Variants in THRB observed in about 807,000 individuals in gnomAD.
THRB encodes thyroid hormone receptor beta.
In THRB, 12 loss-of-function variants were observed where a neutral mutation model predicts 47.8. That is an observed-to-expected ratio of 0.25 (90% CI 0.16 to 0.41). The LOEUF (loss-of-function observed/expected upper bound fraction) is 0.41. Ranked by LOEUF, THRB falls within the 10% of genes least tolerant of loss-of-function variation. THRB has a pLI of 1.00. For missense variants in THRB, 348 were observed against 589.2 expected (o/e 0.59, Z 4.24); for synonymous variants, 218 against 212.2 (o/e 1.03, Z -0.24).
rs79126320 is a variant in THRB, at chr3:24,434,491, A to C, written c.-261+60161T>G. ...TAATGTTGAGCACAAGCTCTCTTTC[A>C]TATCTCCACTTTCTCCAACTCACCA... On this transcript the variant is annotated intron_variant, in intron 1 of 10. Transcript: ENST00000646209. 4.0e-3 allele frequency among the ~76,000 whole-genome samples: 612 copies of C among 152,316 alleles called. 3 individuals carry two copies. The highest frequency in any genetic ancestry group is 0.014 in the African/African-American group (575 of 41,586).
intron 3 of THRB, among the ~76,000 whole-genome samples, chr3:24,234,517 A>C (rs2048669973): frequency 6.6e-6 from 1 of 152,172 alleles, no homozygotes; most frequent in African/African-American, 2.4e-5. Context: ...GCTGAAGAGG[A>C]ATCCATCAAC....
chr3:24,443,217 G>T (rs567504272), intron 1 of THRB, among the ~76,000 whole-genome samples: 2 of 152,148 alleles, frequency 1.3e-5, no homozygotes, highest in East Asian at 3.9e-4. Context: ...CAATTTTTAG[G>T]TATAATATGA....
chr3:24,409,521 C>T (rs1486313784), intron 1 of THRB, among the ~76,000 whole-genome samples: 2 of 151,800 alleles, frequency 1.3e-5, no homozygotes, highest in East Asian at 3.9e-4. Context: ...GGGCCTCTGA[C>T]TAACTTCTAC....
chr3:24,358,711 T>C (rs2063862882), intron 1 of THRB, among the ~76,000 whole-genome samples: 1 of 152,158 alleles, frequency 6.6e-6, no homozygotes, highest in Admixed American at 6.5e-5. Flanking sequence ...AAGACTGGGC[T>C]CTCCTCTTTG....
In THRB at chr3:24,431,261, T is replaced by TCTACAC. The variant is rs767685100; in HGVS notation, c.-261+63390_-261+63391insGTGTAG. Among the ~76,000 whole-genome samples, 747 of 135,764 alleles carry TCTACAC rather than the reference T, an allele frequency of 5.5e-3. 7 individuals carry two copies. The highest frequency in any genetic ancestry group is 0.019 in the African/African-American group (718 of 36,946). The allele number at this position is 135,764 out of a possible 152,430, so 89.1% of individuals were successfully genotyped here. On this transcript the variant is annotated intron_variant, in intron 1 of 10. Coordinates refer to ENST00000646209, the MANE Select transcript of THRB (RefSeq NM_001354712.2). The stretch of plus-strand genomic sequence containing the variant: ...GGATCAGTCTCTCTCTCTCTCTCTC[T>TCTACAC]ACACACACACACACACACACACACA...
At chr3:24,388,472 A>T (rs2066307212) in intron 1 of THRB, among the ~76,000 whole-genome samples, 1 of 152,210 alleles carries the variant, frequency 6.6e-6, no homozygotes, top group South Asian at 2.1e-4. Context: ...TTAAGACAGC[A>T]CACATCATAA....
intron 2 of THRB, among the ~76,000 whole-genome samples, chr3:24,329,758 A>G (rs1343546623): frequency 1.3e-5 from 2 of 152,260 alleles, no homozygotes; most frequent in Non-Finnish European, 2.9e-5. Context: ...AAAGTGAGCA[A>G]TCAACAAAAC....
chr3:24,329,570 C>T (rs1238097423), intron 2 of THRB, among the ~76,000 whole-genome samples: 1 of 152,248 alleles, frequency 6.6e-6, no homozygotes, highest in East Asian at 1.9e-4. Flanking sequence ...TCTGGCTAAG[C>T]TGTAGTACTC....
At chr3:24,339,396 T>C (rs1417719166) in intron 1 of THRB, among the ~76,000 whole-genome samples, 2 of 152,044 alleles carry the variant, frequency 1.3e-5, no homozygotes, top group Non-Finnish European at 2.9e-5. Context: ...GTTTTCCAGA[T>C]GAAGAAAGGA....
At chr3:24,324,198 C>A (rs1224577554) in intron 2 of THRB, among the ~76,000 whole-genome samples, 5 of 152,142 alleles carry the variant, frequency 3.3e-5, no homozygotes, top group Non-Finnish European at 7.3e-5. Context: ...TTATTGAGGA[C>A]CTGAGAGGTC....
At chr3:24,215,990 G>C (rs1418221517) in intron 4 of THRB, among the ~76,000 whole-genome samples, 1 of 152,206 alleles carries the variant, frequency 6.6e-6, no homozygotes, top group African/African-American at 2.4e-5. Context: ...ATAAAATTCT[G>C]TTGTACTAAG....
chr3:24,320,692 C>T (rs1403091111), intron 2 of THRB, among the ~76,000 whole-genome samples: 2 of 151,982 alleles, frequency 1.3e-5, no homozygotes, highest in Non-Finnish European at 2.9e-5. Flanking sequence ...ATATTAATAA[C>T]AAATTAGTCA....
intron 1 of THRB, among the ~76,000 whole-genome samples, chr3:24,489,842 C>T (rs952982972): frequency 6.6e-6 from 1 of 152,042 alleles, no homozygotes; most frequent in African/African-American, 2.4e-5. Flanking sequence ...TGTTTAAATG[C>T]CAAAATTGAC....
intron 3 of THRB, among the ~76,000 whole-genome samples, chr3:24,269,769 GCTT>G (rs2053134428): frequency 1.3e-5 from 2 of 151,996 alleles, no homozygotes; most frequent in Non-Finnish European, 2.9e-5. Flanking sequence ...AATGGCATCA[GCTT>G]CTGTGTTCCA....
intron 1 of THRB, among the ~76,000 whole-genome samples, chr3:24,450,774 C>G (rs987420361): frequency 2.6e-5 from 4 of 152,140 alleles, no homozygotes; most frequent in Admixed American, 6.5e-5. Flanking sequence ...ATACAGTCAA[C>G]TGGTGTGAAG....
intron 1 of THRB, chr3:24,455,337 T>TTA (rs2073066415): frequency 6.6e-6 from 1 of 152,120 alleles, no homozygotes; most frequent in Admixed American, 6.5e-5. Context: ...TCCTAGATAA[T>TTA]ATGCCTTTTC....
Position 24,190,251 on chromosome 3 carries a change from A to C in THRB, c.106T>G (p.Cys36Gly). The C allele has an allele frequency of 6.2e-7, 1 of 1,614,046 alleles. No homozygotes were observed. Among genetic ancestry groups the C allele is most frequent in the Non-Finnish European group, 8.5e-7 (1 of 1,179,964 alleles). ...DWKLVGMSEACLHRKSHSERR... is the reference protein window; with the variant it reads ...DWKLVGMSEAGLHRKSHSERR... ...TCTGAATGGCTCTTCCTATGTAGGC[A>C]GGCTTCAGACATTCCTACTAGCTTC... The change falls in exon 5 of 11, where the codon TGC becomes GGC. Residue 36 changes from cysteine to glycine, a missense_variant. Cys to Gly is a radical substitution (Grantham distance 159). Coordinates refer to ENST00000646209, the MANE Select transcript of THRB (RefSeq NM_001354712.2).
At chr3:24,190,982 T>G (rs1195691328) in intron 4 of THRB, among the ~76,000 whole-genome samples, 1 of 152,268 alleles carries the variant, frequency 6.6e-6, no homozygotes, top group East Asian at 1.9e-4. Flanking sequence ...GGAAAGCAGA[T>G]AGTGCTTTAG....
intron 5 of THRB, among the ~76,000 whole-genome samples, chr3:24,184,717 C>T (rs2042349353): frequency 6.6e-6 from 1 of 152,026 alleles, no homozygotes; most frequent in African/African-American, 2.4e-5. Context: ...CCCAGAGTGC[C>T]CTTGAGGTAT....
Sources: allele counts gnomAD v4.1 joint callset (sites outside exome capture counted in the v4.1 genomes callset), GRCh38; gene constraint gnomAD v4.1.1; transcripts MANE v1.5; gene names NCBI Gene and HGNC (gene_info 2026-07-23, HGNC 2026-07-21).